MEGF11: variants seen among roughly 807,000 people sequenced by gnomAD.
MEGF11 encodes multiple EGF like domains 11.
In MEGF11, 126 loss-of-function variants were observed where a neutral mutation model predicts 146.6. That is an observed-to-expected ratio of 0.86 (90% CI 0.74 to 1.00). MEGF11 has a LOEUF of 1.00. Among genes scored for constraint, MEGF11 ranks in the 50% least tolerant of loss-of-function variants. The pLI, the probability that MEGF11 is intolerant of heterozygous loss-of-function variation, is 0.00. For synonymous variants in MEGF11, 532 were observed against 583.4 expected (o/e 0.91, Z 1.27); for missense variants, 1,509 against 1,521.2 (o/e 0.99, Z 0.13).
intron 10 of MEGF11, among the ~76,000 whole-genome samples, chr15:65,957,126 G>A (rs187812350): frequency 1.6e-3 from 246 of 152,292 alleles, no homozygotes; most frequent in African/African-American, 5.8e-3. Flanking sequence ...GAATAAACTG[G>A]GGGTACATCT....
intron 5 of MEGF11, among the ~76,000 whole-genome samples, chr15:66,001,768 A>G (rs899202135): frequency 6.6e-6 from 1 of 151,952 alleles, no homozygotes; most frequent in Non-Finnish European, 1.5e-5. Flanking sequence ...TTTGAACTGG[A>G]TGTTTGAACC....
At chr15:66,078,486 C>G (rs1049974011) in intron 5 of MEGF11, among the ~76,000 whole-genome samples, 1 of 152,226 alleles carries the variant, frequency 6.6e-6, no homozygotes, top group African/African-American at 2.4e-5. Flanking sequence ...CACAGGTGGG[C>G]AGGGGCTGGC....
chr15:66,239,262 G>A (rs2092159156), intron 1 of MEGF11, among the ~76,000 whole-genome samples: 2 of 152,192 alleles, frequency 1.3e-5, no homozygotes, highest in African/African-American at 4.8e-5. Context: ...TCTGTTCCCT[G>A]AACTGAGTTA....
intron 5 of MEGF11, among the ~76,000 whole-genome samples, chr15:66,010,831 G>C (rs1420930857): frequency 6.6e-6 from 1 of 152,224 alleles, no homozygotes; most frequent in African/African-American, 2.4e-5. Flanking sequence ...CTGGGCTCCA[G>C]TCCATGTGGG....
chr15:66,177,449 TG>T (rs1336444828), intron 1 of MEGF11, among the ~76,000 whole-genome samples: 2 of 152,208 alleles, frequency 1.3e-5, no homozygotes, highest in Non-Finnish European at 2.9e-5. Context: ...CTCTTCTCCT[TG>T]CTTAATATGC....
chr15:66,009,600 T>TC (rs2082643008), intron 5 of MEGF11, among the ~76,000 whole-genome samples: 4 of 151,790 alleles, frequency 2.6e-5, no homozygotes, highest in African/African-American at 7.3e-5. Context: ...ATGGTTTTTT[T>TC]TTTTTTTTTT....
intron 3 of MEGF11, among the ~76,000 whole-genome samples, chr15:66,122,393 C>G (rs1215552681): frequency 6.6e-6 from 1 of 152,162 alleles, no homozygotes; most frequent in Non-Finnish European, 1.5e-5. Flanking sequence ...TGTCTCACAG[C>G]CAGTTAGTAG....
chr15:65,922,238 C>T (rs2079193616), intron 15 of MEGF11, 100 bp downstream of exon 15: 9 of 1,440,632 alleles, frequency 6.2e-6, no homozygotes, highest in Admixed American at 2.1e-5. Flanking sequence ...GAGCTACCTC[C>T]ATAGCGTATG....
At chr15:66,186,273 G>C (rs1424669028) in intron 1 of MEGF11, among the ~76,000 whole-genome samples, 1 of 152,192 alleles carries the variant, frequency 6.6e-6, no homozygotes. Context: ...GGCCCAGGAG[G>C]CTAGAGTTTT....
At chr15:66,174,598 A>T (rs1016317811) in intron 1 of MEGF11, among the ~76,000 whole-genome samples, 4 of 151,636 alleles carry the variant, frequency 2.6e-5, no homozygotes, top group African/African-American at 9.7e-5. Flanking sequence ...GTGGCCTTTA[A>T]TCCTGGTACT....
intron 1 of MEGF11, among the ~76,000 whole-genome samples, chr15:66,147,545 G>A (rs1364220826): frequency 6.6e-6 from 1 of 152,224 alleles, no homozygotes; most frequent in Non-Finnish European, 1.5e-5. Flanking sequence ...CCAGAGGAAG[G>A]GGCACACATG....
intron 5 of MEGF11, among the ~76,000 whole-genome samples, chr15:66,014,929 G>C (rs1469505649): frequency 6.6e-6 from 1 of 151,672 alleles, no homozygotes; most frequent in African/African-American, 2.4e-5. Flanking sequence ...ACCTAGTCAG[G>C]GATGTGCTTG....
At chr15:65,984,889 C>T (rs1038121951) in intron 5 of MEGF11, among the ~76,000 whole-genome samples, 6 of 152,046 alleles carry the variant, frequency 3.9e-5, no homozygotes, top group African/African-American at 1.2e-4. Flanking sequence ...CTGCCTCAGC[C>T]TCCCGAGTAG....
intron 1 of MEGF11, among the ~76,000 whole-genome samples, chr15:66,244,938 T>C (rs889019808): frequency 1.3e-5 from 2 of 152,140 alleles, no homozygotes; most frequent in Non-Finnish European, 2.9e-5. Context: ...TATATCCAAC[T>C]GGGAAGACAA....
intron 5 of MEGF11, among the ~76,000 whole-genome samples, chr15:66,093,765 C>T (rs1294423064): frequency 2.6e-5 from 4 of 152,142 alleles, no homozygotes; most frequent in Non-Finnish European, 4.4e-5. Context: ...TGGTGGCCAG[C>T]CCCACAGTAG....
chr15:66,017,136 G>A (rs559766840), intron 5 of MEGF11, among the ~76,000 whole-genome samples: 4 of 152,178 alleles, frequency 2.6e-5, no homozygotes, highest in East Asian at 1.9e-4. Context: ...AGTAGGGGAC[G>A]GAGGAGGGGG....
chr15:66,210,708 G>A (rs1228605208), intron 1 of MEGF11, among the ~76,000 whole-genome samples: 2 of 152,208 alleles, frequency 1.3e-5, no homozygotes, highest in Admixed American at 6.5e-5. Flanking sequence ...CGAGGCCCAG[G>A]AAGAGGGGCT....
intron 5 of MEGF11, among the ~76,000 whole-genome samples, chr15:66,066,853 C>T (rs2085149238): frequency 6.6e-6 from 1 of 152,196 alleles, no homozygotes. Context: ...TCAGATGATG[C>T]TCTGTGGCCC....
Position 66,167,787 on chromosome 15 carries a change from C to A in MEGF11, c.-8-39376G>T, listed in dbSNP as rs1248759941. 3.3e-5 allele frequency among the ~76,000 whole-genome samples: 5 copies of A among 152,226 alleles called. No individual in the cohort carries two copies. In the East Asian group the frequency reaches 9.6e-4, roughly 29 times the overall value. ...TCCATCTACAGCCCTAACTTCCAGG[C>A]AGGTCAAACTGCACTGATCTGCTCA... is the stretch of plus-strand genomic sequence containing the variant. On this transcript the variant is annotated intron_variant, in intron 1 of 25. Transcript: ENST00000395614.
Sources: gnomAD v4.1 joint callset for allele counts (sites outside exome capture counted in the v4.1 genomes callset) on GRCh38, gnomAD v4.1.1 for gene constraint, MANE v1.5 for transcripts, NCBI Gene and HGNC (gene_info 2026-07-23, HGNC 2026-07-21) for gene names.